Variants in DCAF6 observed in about 807,000 individuals in gnomAD.
DCAF6 encodes the protein DDB1 and CUL4 associated factor 6.
In DCAF6, 54 loss-of-function variants were observed where a neutral mutation model predicts 125.1. That is an observed-to-expected ratio of 0.43 (90% CI 0.35 to 0.54). DCAF6 has a LOEUF of 0.54. Ranked by LOEUF, DCAF6 falls within the 20% of genes least tolerant of loss-of-function variation. DCAF6 has a pLI of 0.01. For synonymous variants in DCAF6, 371 were observed against 390.4 expected (o/e 0.95, Z 0.58); for missense variants, 934 against 1,161.7 (o/e 0.80, Z 2.85).
At chr1:167,903,103 C>T in the DCAF6 span, among the ~76,000 whole-genome samples, 2 of 150,664 alleles carry the variant, frequency 1.3e-5, no homozygotes, top group African/African-American at 2.5e-5. Context: ...GAAAAAAATA[C>T]AAAATTGCTG....
At chr1:167,880,615 A>T in the DCAF6 span, 1 of 1,599,294 alleles carries the variant, frequency 6.3e-7, no homozygotes. Flanking sequence ...CAGCCCTGTG[A>T]GGGAGAGAGA....
chr1:168,055,779 AG>A, intron 17 of DCAF6: 1 of 641,582 alleles, frequency 1.6e-6, no homozygotes, highest in Non-Finnish European at 2.7e-6. Flanking sequence ...TGTTAACAGT[AG>A]TTTTTTTTTC....
chr1:167,940,120 T>G (rs1035663462), intron 1 of DCAF6, among the ~76,000 whole-genome samples: 1 of 152,200 alleles, frequency 6.6e-6, no homozygotes, highest in Non-Finnish European at 1.5e-5. Context: ...TTAAACTGAT[T>G]AATTATCTCC....
chr1:167,914,939 T>C, the DCAF6 span, among the ~76,000 whole-genome samples: 5 of 152,214 alleles, frequency 3.3e-5, no homozygotes, highest in East Asian at 9.6e-4. Context: ...GTTCATTGAG[T>C]GAATTTTCTG....
At chr1:167,954,642 C>T (rs1269424894) in intron 2 of DCAF6, among the ~76,000 whole-genome samples, 3 of 151,586 alleles carry the variant, frequency 2.0e-5, no homozygotes, top group Non-Finnish European at 2.9e-5. Context: ...TTAGTAGAGA[C>T]GGTGTTTCAC....
At chr1:167,889,336 T>C in the DCAF6 span, among the ~76,000 whole-genome samples, 2 of 152,214 alleles carry the variant, frequency 1.3e-5, no homozygotes, top group Admixed American at 6.5e-5. Flanking sequence ...AATGATAATA[T>C]GGTTTTTGTC....
At chr1:168,017,858 C>A (rs1685182622) in intron 11 of DCAF6, among the ~76,000 whole-genome samples, 1 of 151,882 alleles carries the variant, frequency 6.6e-6, no homozygotes, top group African/African-American at 2.4e-5. Flanking sequence ...CATATTTTTC[C>A]TTCATACTTT....
chr1:167,895,741 AG>A, the DCAF6 span, among the ~76,000 whole-genome samples: 1 of 152,166 alleles, frequency 6.6e-6, no homozygotes, highest in Admixed American at 6.5e-5. Flanking sequence ...GGACCTTGAG[AG>A]TGAGTGTCTG....
At chr1:167,976,311 A>G (rs1049183139) in intron 4 of DCAF6, among the ~76,000 whole-genome samples, 3 of 152,038 alleles carry the variant, frequency 2.0e-5, no homozygotes, top group African/African-American at 4.8e-5. Flanking sequence ...TCTACTAAAA[A>G]TACAGGAATC....
intron 3 of DCAF6, among the ~76,000 whole-genome samples, chr1:167,967,799 C>G (rs1374834400): frequency 7.0e-6 from 1 of 142,424 alleles, no homozygotes; most frequent in African/African-American, 2.6e-5. Context: ...GGTGCGATCT[C>G]GGCTTACTGC....
At chr1:167,886,358 C>T in the DCAF6 span, among the ~76,000 whole-genome samples, 3 of 152,086 alleles carry the variant, frequency 2.0e-5, no homozygotes, top group African/African-American at 7.2e-5. Flanking sequence ...AAATATAGAC[C>T]AATGGAATGG....
chr1:167,976,892 T>G (rs1398639646), intron 4 of DCAF6, among the ~76,000 whole-genome samples: 2 of 90,652 alleles, frequency 2.2e-5, no homozygotes, highest in South Asian at 3.7e-4. Flanking sequence ...AGCAGTTTTT[T>G]TTTTTTTTTT....
At chr1:168,058,020 A>G (rs1691108531) in intron 17 of DCAF6, among the ~76,000 whole-genome samples, 1 of 152,246 alleles carries the variant, frequency 6.6e-6, no homozygotes, top group African/African-American at 2.4e-5. Flanking sequence ...AACAAAACAT[A>G]AACATATAAA....
At chr1:167,916,175 T>C in the DCAF6 span, among the ~76,000 whole-genome samples, 1 of 152,234 alleles carries the variant, frequency 6.6e-6, no homozygotes, top group African/African-American at 2.4e-5. Flanking sequence ...GGCTATGTGT[T>C]CCAAGTGGCA....
At chr1:167,953,829 C>T (rs1202292518) in intron 2 of DCAF6, among the ~76,000 whole-genome samples, 2 of 152,148 alleles carry the variant, frequency 1.3e-5, no homozygotes, top group Non-Finnish European at 2.9e-5. Context: ...GAACTCCTGG[C>T]CTCAGGTGAT....
Position 168,065,742 on chromosome 1 carries a change from C to G in DCAF6, c.2592C>G (p.Asp864Glu). The G allele has an allele frequency of 6.2e-7, 1 of 1,609,810 alleles. No homozygotes were observed. Among genetic ancestry groups the G allele is most frequent in the Non-Finnish European group, 8.5e-7 (1 of 1,177,742 alleles). ...ACTGCCTGCAGCCACATCCGTTTGA[C>G]CCAAGTAAGATATCTTTTCTAGGAC... ...VVNCLQPHPFDPILASSGIDY... is the reference protein window; with the variant it reads ...VVNCLQPHPFEPILASSGIDY... Residue 864 changes from aspartate (D) to glutamate (E), a missense_variant, in exon 19 of 22, where the codon GAC (aspartate) becomes GAG (glutamate). By Grantham distance (45) the Asp-to-Glu change is conservative. Transcript: ENST00000367840.
intron 2 of DCAF6, among the ~76,000 whole-genome samples, chr1:167,963,368 T>C (rs566601664): frequency 1.3e-5 from 2 of 152,066 alleles, no homozygotes; most frequent in Non-Finnish European, 2.9e-5. Flanking sequence ...CTGTTTCTGC[T>C]TTTTGTCTTT....
chr1:168,011,135 T>G (rs1684223940), intron 10 of DCAF6, among the ~76,000 whole-genome samples: 1 of 148,138 alleles, frequency 6.8e-6, no homozygotes, highest in South Asian at 2.2e-4. Flanking sequence ...TTTTTTTTTT[T>G]GAGATGGAGT....
Position 168,048,879 on chromosome 1 carries a change from C to G in DCAF6, c.2259-2013C>G, listed in dbSNP as rs369110984. 8.5e-5 allele frequency among the ~76,000 whole-genome samples: 13 copies of G among 152,320 alleles called. No individual in the cohort carries two copies. In the East Asian group the frequency reaches 1.9e-3, roughly 23 times the overall value. On this transcript the variant is annotated intron_variant, in intron 16 of 21. Coordinates refer to ENST00000367840, the MANE Select transcript of DCAF6 (RefSeq NM_001198956.2). Reference sequence around the variant, plus strand: ...TCAAAAATCGGCATTTGGCGGAGATCTAGCCCAAGAGCCATAGCTTGCAAA... The same window carrying G: ...TCAAAAATCGGCATTTGGCGGAGATGTAGCCCAAGAGCCATAGCTTGCAAA...
Sources: allele counts gnomAD v4.1 joint callset (sites outside exome capture counted in the v4.1 genomes callset), GRCh38; gene constraint gnomAD v4.1.1; transcripts MANE v1.5; gene names NCBI Gene and HGNC (gene_info 2026-07-23, HGNC 2026-07-21).